NMNAT1: variants seen among roughly 807,000 people sequenced by gnomAD.
The protein encoded by NMNAT1 is nicotinamide/nicotinic acid mononucleotide adenylyltransferase 1.
A neutral mutation model predicts 16.7 loss-of-function variants in NMNAT1; 11 were observed. That is an observed-to-expected ratio of 0.66 (90% CI 0.41 to 1.09). The LOEUF is 1.09. Among genes scored for constraint, NMNAT1 ranks in the 50% least tolerant of loss-of-function variants. NMNAT1 has a pLI of 0.00. For missense variants in NMNAT1, 280 were observed against 332.3 expected, an observed-to-expected ratio of 0.84 and a Z score of 1.22; for synonymous variants, 110 against 119.8, an observed-to-expected ratio of 0.92 and a Z score of 0.53.
chr1:9,948,735 C>T (rs1041793378), intron 1 of NMNAT1, among the ~76,000 whole-genome samples: 8 of 151,582 alleles, frequency 5.3e-5, no homozygotes, highest in Admixed American at 4.0e-4. Context: ...CTGCAACCTC[C>T]GCCTCCTGGG....
chr1:9,979,627 T>C lies in NMNAT1; in HGVS notation c.300-1404T>C, dbSNP rs368359359. 2.3e-3 allele frequency among the ~76,000 whole-genome samples: 351 copies of C among 151,952 alleles called. 2 individuals carry two copies. Among genetic ancestry groups the C allele is most frequent in the African/African-American group, 7.9e-3 (329 of 41,496 alleles). ...CATCCTGGCTAACATGGTGAAACCCTGTCTCTACTAAAAATACAGAAAAAA... is the reference window on the plus strand; with the variant it reads ...CATCCTGGCTAACATGGTGAAACCCCGTCTCTACTAAAAATACAGAAAAAA... On this transcript the variant is annotated intron_variant, in intron 3 of 4. Coordinates refer to ENST00000377205, the MANE Select transcript of NMNAT1 (RefSeq NM_022787.4).
In NMNAT1 at chr1:9,957,476, C is replaced by T. The variant is rs1641293112; in HGVS notation, c.-57+13961C>T. ...GCTGGATTACAGGCATGCGCCACCA[C>T]GCGAGAGTGGGCTTCACCATGTTGG... On this transcript the variant is annotated intron_variant, in intron 1 of 4. Coordinates refer to ENST00000377205, the MANE Select transcript of NMNAT1 (RefSeq NM_022787.4). Among the ~76,000 whole-genome samples, 4 of 150,868 alleles carry T rather than the reference C, an allele frequency of 2.7e-5. No homozygotes were observed. The South Asian group carries it at 6.3e-4, about 24-fold the overall frequency.
chr1:9,963,425 T>C (rs79222123), intron 1 of NMNAT1, among the ~76,000 whole-genome samples: 6 of 152,080 alleles, frequency 3.9e-5, no homozygotes, highest in Non-Finnish European at 5.9e-5. Flanking sequence ...TTTTTTTTTT[T>C]CCAAGATGGC....
chr1:9,988,719 A>G (rs1268956641), downstream of NMNAT1, among the ~76,000 whole-genome samples: 2 of 140,504 alleles, frequency 1.4e-5, no homozygotes, highest in Non-Finnish European at 3.1e-5. Flanking sequence ...AAAAAAAAAA[A>G]AAAAGGGTAC....
the NMNAT1 span, among the ~76,000 whole-genome samples, chr1:9,990,681 C>A: frequency 6.6e-6 from 1 of 152,118 alleles, no homozygotes; most frequent in African/African-American, 2.4e-5. Context: ...CTTTGCTGAA[C>A]CAGCATCAGA....
intron 1 of NMNAT1, among the ~76,000 whole-genome samples, chr1:9,944,318 T>G (rs1469095907): frequency 6.6e-6 from 1 of 152,072 alleles, no homozygotes; most frequent in East Asian, 1.9e-4. Flanking sequence ...ACCCAGCACT[T>G]TGAGAGCCCG....
At chr1:9,987,785 C>T (rs1431120881), downstream of NMNAT1, among the ~76,000 whole-genome samples, 1 of 151,850 alleles carries the variant, frequency 6.6e-6, no homozygotes, top group Admixed American at 6.6e-5. Flanking sequence ...CTGTGATTAC[C>T]CCACTGCACT....
At chr1:9,951,172 C>T (rs542777917) in intron 1 of NMNAT1, 1 of 151,734 alleles carries the variant, frequency 6.6e-6, no homozygotes, top group African/African-American at 2.4e-5. Flanking sequence ...AGTTACTTGC[C>T]TCGAAGGACT....
chr1:9,973,649 A>G (rs1406055050), intron 2 of NMNAT1, among the ~76,000 whole-genome samples: 1 of 131,690 alleles, frequency 7.6e-6, no homozygotes, highest in East Asian at 2.8e-4. Flanking sequence ...CGGAGCTTGC[A>G]GTGAGCCAAG....
chr1:9,947,558 G>C (rs761986298), intron 1 of NMNAT1: 3 of 152,302 alleles, frequency 2.0e-5, no homozygotes, highest in Non-Finnish European at 2.9e-5. Flanking sequence ...AAGCTCTCAA[G>C]GTCCCAGGTA....
At chr1:9,991,230 G>C in the NMNAT1 span, among the ~76,000 whole-genome samples, 1 of 150,738 alleles carries the variant, frequency 6.6e-6, no homozygotes, top group Non-Finnish European at 1.5e-5. Context: ...TCTTCACCCA[G>C]GCTGGAGTGC....
chr1:9,981,120 C>T lies in NMNAT1; in HGVS notation c.389C>T (p.Thr130Ile), dbSNP rs773507986. The change falls in exon 4 of 5, where the codon ACT (threonine) becomes ATT (isoleucine). Residue 130 changes from threonine to isoleucine, a missense_variant. Coordinates refer to ENST00000377205, the MANE Select transcript of NMNAT1 (RefSeq NM_022787.4). ...AGGCCTGGAAGGAAGAGGAAGTGGA[C>T]TGAAACACAAGATTCTAGTCAAAAG... ...LERPGRKRKW[T>I]ETQDSSQKKS... is the part of the protein sequence containing the mutation. The T allele has an allele frequency of 6.2e-7, 1 of 1,613,682 alleles. No individual in the cohort carries two copies. Among genetic ancestry groups the T allele is most frequent in the Non-Finnish European group, 8.5e-7 (1 of 1,179,914 alleles).
intron 1 of NMNAT1, among the ~76,000 whole-genome samples, chr1:9,951,985 C>A (rs183966953): frequency 3.9e-4 from 59 of 152,222 alleles, no homozygotes; most frequent in African/African-American, 1.3e-3. Flanking sequence ...TTATTTACAG[C>A]CAAACTTTCA....
chr1:9,972,224 G>A (rs772234646), intron 2 of NMNAT1, 36 bp downstream of exon 2: 2 of 1,153,210 alleles, frequency 1.7e-6, no homozygotes, highest in African/African-American at 1.5e-5. Flanking sequence ...TAAGACTAGA[G>A]AACCAGCCGG....
At chr1:9,991,897 GAA>G in the NMNAT1 span, among the ~76,000 whole-genome samples, 2 of 143,840 alleles carry the variant, frequency 1.4e-5, no homozygotes, top group Non-Finnish European at 3.1e-5. Flanking sequence ...AAAATAAGAC[GAA>G]AAAAAAAAGC....
intron 1 of NMNAT1, among the ~76,000 whole-genome samples, chr1:9,960,938 T>A (rs901337364): frequency 2.0e-5 from 3 of 152,152 alleles, no homozygotes; most frequent in African/African-American, 7.2e-5. Context: ...GAGGAAGTAC[T>A]CTTCAGGAAA....
chr1:9,991,778 G>C, the NMNAT1 span, among the ~76,000 whole-genome samples: 1 of 152,154 alleles, frequency 6.6e-6, no homozygotes, highest in Non-Finnish European at 1.5e-5. Context: ...GAGATGTGAT[G>C]TGGAGTAAGT....
rs1294205453 is a variant in NMNAT1 at position 9,983,631 on chromosome 1, G to T, written c.*930G>T. 6.6e-6 allele frequency: 1 copy of T among 151,986 alleles called. No homozygotes were observed. The highest frequency in any genetic ancestry group is 1.5e-5 in the Non-Finnish European group (1 of 68,116). 9.4% of individuals were successfully genotyped at this position (151,986 alleles called of 1,614,324 possible). On this transcript the variant is annotated 3_prime_UTR_variant, in exon 5 of 5. Transcript: ENST00000377205. The stretch of plus-strand genomic sequence containing the variant: ...AGATCGTGCCATTGCACTCCAGCCT[G>T]GGTGACAGAGCGAGACTCCATCTCA...
At chr1:9,951,768 C>T (rs1056221667) in intron 1 of NMNAT1, among the ~76,000 whole-genome samples, 1 of 152,168 alleles carries the variant, frequency 6.6e-6, no homozygotes, top group African/African-American at 2.4e-5. Context: ...AGCCACTGTG[C>T]CCGGCCTGTT....
Sources: gnomAD v4.1 joint callset for allele counts (sites outside exome capture counted in the v4.1 genomes callset) on GRCh38, gnomAD v4.1.1 for gene constraint, MANE v1.5 for transcripts, NCBI Gene and HGNC (gene_info 2026-07-23, HGNC 2026-07-21) for gene names.